MEOX2: variants seen among roughly 807,000 people sequenced by gnomAD.
MEOX2 encodes the protein mesenchyme homeobox 2, also known as homeobox protein MOX-2.
MEOX2 carries 11 observed loss-of-function variants against 27.0 expected under a neutral mutation model. The ratio of observed to expected loss-of-function variants is 0.41; its 90% CI spans 0.26 to 0.68. The LOEUF is 0.68. Ranked by LOEUF, MEOX2 falls within the 30% of genes least tolerant of loss-of-function variation. The probability of loss-of-function intolerance (pLI) is 0.33; values close to 1 mark genes in which losing one functional copy is unlikely to be tolerated. For missense variants in MEOX2, 436 were observed against 385.4 expected, an observed-to-expected ratio of 1.13 and a Z score of -1.10; for synonymous variants, 189 against 155.4, an observed-to-expected ratio of 1.22 and a Z score of -1.61.
intron 1 of MEOX2, among the ~76,000 whole-genome samples, chr7:15,685,685 A>G (rs1183739189): frequency 6.6e-6 from 1 of 152,238 alleles, no homozygotes; most frequent in African/African-American, 2.4e-5. Flanking sequence ...CTGGCTGTAT[A>G]CGCATTGCTC....
chr7:15,644,947 C>A (rs1781619129), intron 1 of MEOX2, among the ~76,000 whole-genome samples: 1 of 152,074 alleles, frequency 6.6e-6, no homozygotes, highest in Admixed American at 6.6e-5. Context: ...CTCACTGGCC[C>A]CAGAACGCCC....
At chr7:15,626,463 C>G (rs538641100) in intron 2 of MEOX2, among the ~76,000 whole-genome samples, 1 of 151,908 alleles carries the variant, frequency 6.6e-6, no homozygotes, top group African/African-American at 2.4e-5. Context: ...CACTGTATGC[C>G]ATCATTATGT....
intron 1 of MEOX2, among the ~76,000 whole-genome samples, chr7:15,671,505 C>T (rs1400210618): frequency 6.6e-6 from 1 of 152,180 alleles, no homozygotes; most frequent in East Asian, 1.9e-4. Flanking sequence ...AGACAGTTTA[C>T]GTGACTAAGC....
intron 1 of MEOX2, among the ~76,000 whole-genome samples, chr7:15,632,145 T>C (rs995448755): frequency 6.6e-6 from 1 of 151,814 alleles, no homozygotes; most frequent in African/African-American, 2.4e-5. Flanking sequence ...TGGCATTGCA[T>C]TGCATTGCTG....
chr7:15,623,750 T>C (rs1282102867), intron 2 of MEOX2, among the ~76,000 whole-genome samples: 2 of 152,260 alleles, frequency 1.3e-5, no homozygotes, highest in African/African-American at 4.8e-5. Flanking sequence ...ATAGAAATGT[T>C]GGAATGAAAT....
At position 15,626,910 on chromosome 7, in the gene MEOX2, C is replaced by T; in HGVS notation, c.526G>A (p.Glu176Lys). The change falls in exon 2 of 3, where the codon GAA becomes AAA. Residue 176 changes from glutamate to lysine, a missense_variant. Coordinates refer to ENST00000262041, the MANE Select transcript of MEOX2 (RefSeq NM_005924.5). Reference sequence around the variant, plus strand: ...TTGACTTCTGACTTGTAATTTCCTTCCTGGGAGTCTGAAAAAAAAGGGAGA... The same window carrying T: ...TTGACTTCTGACTTGTAATTTCCTTTCTGGGAGTCTGAAAAAAAAGGGAGA... ...KRKSDSSDSQ[E>K]GNYKSEVNSK... is the part of the protein sequence containing the mutation. The T allele has an allele frequency of 6.2e-7, 1 of 1,611,344 alleles. No individual in the cohort carries two copies. The highest frequency in any genetic ancestry group is 8.5e-7 in the Non-Finnish European group (1 of 1,178,858).
At chr7:15,646,199 C>G (rs937288340) in intron 1 of MEOX2, among the ~76,000 whole-genome samples, 2 of 152,010 alleles carry the variant, frequency 1.3e-5, no homozygotes, top group Non-Finnish European at 2.9e-5. Context: ...TCCCTGACTT[C>G]CAAATTTTTG....
At chr7:15,665,359 G>A (rs1270601249) in intron 1 of MEOX2, among the ~76,000 whole-genome samples, 1 of 152,002 alleles carries the variant, frequency 6.6e-6, no homozygotes, top group Non-Finnish European at 1.5e-5. Context: ...AATATTCAAA[G>A]CAAAAAGAGA....
At chr7:15,681,388 C>T (rs1414674387) in intron 1 of MEOX2, 1 of 151,624 alleles carries the variant, frequency 6.6e-6, no homozygotes, top group Non-Finnish European at 1.5e-5. Flanking sequence ...GCAGCATTAT[C>T]AGGCTAAGTA....
At chr7:15,672,739 A>G (rs1782122948) in intron 1 of MEOX2, among the ~76,000 whole-genome samples, 1 of 152,052 alleles carries the variant, frequency 6.6e-6, no homozygotes, top group Non-Finnish European at 1.5e-5. Context: ...AAAAATACAA[A>G]AAATTAGCCG....
chr7:15,611,267 T>C lies in MEOX2; in HGVS notation c.*1120A>G, dbSNP rs926049990. 10 of 152,154 alleles carry C rather than the reference T, an allele frequency of 6.6e-5. No homozygotes were observed. Among genetic ancestry groups the C allele is most frequent in the Non-Finnish European group, 1.5e-4 (10 of 68,016 alleles). The allele number at this position is 152,154 out of a possible 1,614,324, so 9.4% of individuals were successfully genotyped here. ...TTTTAAAAACAAAATACAAAGATAG[T>C]TGTTCTGCATGAATACATCACATAT... On this transcript the variant is annotated 3_prime_UTR_variant, in exon 3 of 3. Coordinates refer to ENST00000262041, the MANE Select transcript of MEOX2 (RefSeq NM_005924.5).
chr7:15,650,042 A>G (rs917504291), intron 1 of MEOX2, among the ~76,000 whole-genome samples: 4 of 152,092 alleles, frequency 2.6e-5, no homozygotes, highest in African/African-American at 7.2e-5. Flanking sequence ...AAATGTTTTA[A>G]GGATCAGTAA....
At chr7:15,618,542 T>C (rs769501751) in intron 2 of MEOX2, among the ~76,000 whole-genome samples, 3 of 151,942 alleles carry the variant, frequency 2.0e-5, no homozygotes, top group Non-Finnish European at 2.9e-5. Flanking sequence ...CATAATACCA[T>C]CAATATTTTG....
In MEOX2 at chr7:15,679,263, G is replaced by A. The variant is rs929157746; in HGVS notation, c.517+6623C>T. On this transcript the variant is annotated intron_variant, in intron 1 of 2. Transcript: ENST00000262041. Reference sequence around the variant, plus strand: ...AAGTAAACGCCTTCTTTTAACGTGTGTTTTAAGTATAGCTTCCATGTCCTA... The same window carrying A: ...AAGTAAACGCCTTCTTTTAACGTGTATTTTAAGTATAGCTTCCATGTCCTA... 3.3e-5 allele frequency: 5 copies of A among 152,106 alleles called. No homozygotes were observed. The South Asian group carries it at 6.2e-4, about 19-fold the overall frequency. 9.4% of individuals were successfully genotyped at this position (152,106 alleles called of 1,614,324 possible).
chr7:15,643,275 G>A (rs575998873), intron 1 of MEOX2, among the ~76,000 whole-genome samples: 6 of 152,154 alleles, frequency 3.9e-5, no homozygotes, highest in Non-Finnish European at 8.8e-5. Flanking sequence ...GAAGGGTGGG[G>A]CTGGGGCTCC....
At chr7:15,679,127 C>G (rs1000490252) in intron 1 of MEOX2, 12 of 152,144 alleles carry the variant, frequency 7.9e-5, no homozygotes, top group African/African-American at 2.7e-4. Flanking sequence ...TAAGGATGCT[C>G]TAATTCAGAT....
intron 1 of MEOX2, among the ~76,000 whole-genome samples, chr7:15,637,450 A>T (rs2115368056): frequency 6.6e-6 from 1 of 152,074 alleles, no homozygotes; most frequent in South Asian, 2.1e-4. Flanking sequence ...TTTTTGTTTT[A>T]CTGAACACGT....
At chr7:15,620,310 A>G (rs949829676) in intron 2 of MEOX2, among the ~76,000 whole-genome samples, 1 of 152,232 alleles carries the variant, frequency 6.6e-6, no homozygotes, top group African/African-American at 2.4e-5. Flanking sequence ...TTGAATTAAC[A>G]TGAATAGACA....
chr7:15,662,458 C>T (rs1417440288), intron 1 of MEOX2, among the ~76,000 whole-genome samples: 4 of 151,854 alleles, frequency 2.6e-5, no homozygotes, highest in Non-Finnish European at 5.9e-5. Flanking sequence ...GCACAATAGT[C>T]TAATGAGATT....
Sources: allele counts gnomAD v4.1 joint callset (sites outside exome capture counted in the v4.1 genomes callset), GRCh38; gene constraint gnomAD v4.1.1; transcripts MANE v1.5; gene names NCBI Gene and HGNC (gene_info 2026-07-23, HGNC 2026-07-21).